Variants in KPRP observed in about 807,000 individuals in gnomAD.
KPRP encodes keratinocyte proline rich protein.
For missense variants in KPRP, 820 were observed against 746.4 expected, an observed-to-expected ratio of 1.10 and a Z score of -1.15; for synonymous variants, 282 against 276.9, an observed-to-expected ratio of 1.02 and a Z score of -0.18.
Position 152,761,312 on chromosome 1 carries a change from AG to A in KPRP, c.1725del (p.Ser576ValfsTer33), listed in dbSNP as rs1651125708. 6.2e-7 allele frequency: 1 copy of A among 1,613,224 alleles called. No individual in the cohort carries two copies. Among genetic ancestry groups the A allele is most frequent in the Non-Finnish European group, 8.5e-7 (1 of 1,179,572 alleles). ...TTTGCTGGAGTGAAAGGGGAAGCAAAGAGTGCTTATTTTTAAAGGAAAGGTG... is the reference window on the plus strand; with the variant it reads ...TTTGCTGGAGTGAAAGGGGAAGCAAAAGTGCTTATTTTTAAAGGAAAGGTG... On this transcript the variant is annotated frameshift_variant, in exon 1 of 1. Coordinates refer to ENST00000606109, the Ensembl canonical transcript of KPRP. LOFTEE classifies it high-confidence loss of function.
exon 1 of KPRP, chr1:152,760,342 A>G (rs1651072556): frequency 1.2e-6 from 2 of 1,614,012 alleles, no homozygotes; most frequent in Non-Finnish European, 1.7e-6. Flanking sequence ...CTCTCGGAGC[A>G]CCAGCAGATG....
chr1:152,760,670 C>T, exon 1 of KPRP: 1 of 1,612,594 alleles, frequency 6.2e-7, no homozygotes, highest in Non-Finnish European at 8.5e-7. Context: ...GGCCCGCAGC[C>T]CTCCTGGGGC....
At chr1:152,760,896 A>G (rs964293709) in exon 1 of KPRP, 1 of 1,614,016 alleles carries the variant, frequency 6.2e-7, no homozygotes, top group African/African-American at 1.3e-5. Context: ...ATCCAGAACC[A>G]CTTCCAGCAC....
At chr1:152,760,198 T>G in exon 1 of KPRP, 1 of 1,614,038 alleles carries the variant, frequency 6.2e-7, no homozygotes, top group Non-Finnish European at 8.5e-7. Context: ...CTGCAACAAC[T>G]ACACCCCCCA....
chr1:152,761,261 A>T lies in KPRP; in HGVS notation c.1673A>T (p.Asp558Val), dbSNP rs1192257632. Reference sequence around the variant, plus strand: ...GTGTTTCCAGAGCGGAGGGGTCAGGATGGCCATGGAGACCAAGGCAATGCC... The same window carrying T: ...GTGTTTCCAGAGCGGAGGGGTCAGGTTGGCCATGGAGACCAAGGCAATGCC... The change falls in exon 1 of 1, where the codon GAT becomes GTT. Residue 558 changes from aspartate to valine, a missense_variant. Asp to Val is a radical substitution (Grantham distance 152). Transcript: ENST00000606109. 6.2e-7 allele frequency: 1 copy of T among 1,614,156 alleles called. No individual in the cohort carries two copies.
Position 152,761,093 on chromosome 1 carries a change from G to A in KPRP, c.1505G>A (p.Trp502Ter). ...ACTTGGCGCAGCCCCAGCCCATGCT[G>A]GGGCCCAAATCCAGTTCCATACCCA... Residue 502 changes from tryptophan (W) to a stop codon, truncating the protein, a stop_gained, in exon 1 of 1, where the codon TGG (tryptophan) becomes TAG (stop). Coordinates refer to ENST00000606109, the Ensembl canonical transcript of KPRP. LOFTEE classifies it low-confidence loss of function (END_TRUNC). The A allele has an allele frequency of 6.2e-7, 1 of 1,614,052 alleles. No individual in the cohort carries two copies. Among genetic ancestry groups the A allele is most frequent in the Non-Finnish European group, 8.5e-7 (1 of 1,180,006 alleles).
rs75836464 is a variant in KPRP, at chr1:152,760,919, C to T, written c.1331C>T (p.Pro444Leu). 1,915 of 1,613,762 alleles carry T rather than the reference C, an allele frequency of 1.2e-3. 23 individuals carry two copies. The African/African-American group carries it at 0.023, about 19-fold the overall frequency. The change falls in exon 1 of 1, where the codon CCG (proline) becomes CTG (leucine). Residue 444 changes from proline to leucine, a missense_variant. Transcript: ENST00000606109. ...CCACTTCCAGCACTACGTCCAACAC[C>T]GCGGCCAGTTCCCCTTCCTCGCCCA...
At chr1:152,761,274 C>A (rs1048103194) in exon 1 of KPRP, 1 of 1,613,934 alleles carries the variant, frequency 6.2e-7, no homozygotes, top group African/African-American at 1.3e-5. Context: ...GCCATGGAGA[C>A]CAAGGCAATG....
chr1:152,761,274 C>T (rs1048103194), exon 1 of KPRP: 3 of 1,614,052 alleles, frequency 1.9e-6, no homozygotes, highest in Non-Finnish European at 1.7e-6. Flanking sequence ...GCCATGGAGA[C>T]CAAGGCAATG....
upstream of KPRP, among the ~76,000 whole-genome samples, chr1:152,758,397 G>C (rs1052641737): frequency 5.9e-5 from 9 of 152,176 alleles, no homozygotes; most frequent in African/African-American, 2.2e-4. Flanking sequence ...ACCTTCCCCA[G>C]GGAAATAGAT....
chr1:152,758,948 A>C (rs1007768433), upstream of KPRP, among the ~76,000 whole-genome samples: 2 of 152,368 alleles, frequency 1.3e-5, no homozygotes, highest in South Asian at 4.1e-4. Flanking sequence ...TGTCATGTTT[A>C]AATGAATTTA....
upstream of KPRP, among the ~76,000 whole-genome samples, chr1:152,759,114 C>T (rs866814567): frequency 6.6e-6 from 1 of 152,192 alleles, no homozygotes; most frequent in African/African-American, 2.4e-5. Context: ...CTCATATGTA[C>T]GTTCTTACAT....
chr1:152,761,016 A>C (rs755580826), exon 1 of KPRP: 1 of 1,612,954 alleles, frequency 6.2e-7, no homozygotes, highest in Non-Finnish European at 8.5e-7. Flanking sequence ...GTCCACGACC[A>C]GAGCCAATTC....
Position 152,759,995 on chromosome 1 carries a change from C to T in KPRP, c.407C>T (p.Ala136Val), listed in dbSNP as rs1651053499. The T allele has an allele frequency of 2.5e-6, 4 of 1,614,200 alleles. No homozygotes were observed. In the South Asian group the frequency reaches 4.4e-5, roughly 18 times the overall value. ...GTTCAGACTTGCTTCGTAGAATGTG[C>T]TCCAGTTTGTTATACAGAAACTTGT... Residue 136 changes from alanine to valine, a missense_variant, in exon 1 of 1, where the codon GCT becomes GTT. Ala to Val is a moderately conservative substitution (Grantham distance 64). Transcript: ENST00000606109.
chr1:152,760,589 G>A (rs757431245), exon 1 of KPRP: 2 of 1,608,658 alleles, frequency 1.2e-6, no homozygotes, highest in East Asian at 4.5e-5. Context: ...TCCCCGTGCT[G>A]CCCCAGGCAG....
chr1:152,758,046 T>G (rs1183173785), upstream of KPRP, among the ~76,000 whole-genome samples: 1 of 152,214 alleles, frequency 6.6e-6, no homozygotes, highest in Non-Finnish European at 1.5e-5. Context: ...AAGGACTGCT[T>G]GCCTGTGAGG....
At chr1:152,760,607 C>G (rs758535285) in exon 1 of KPRP, 2 of 1,609,078 alleles carry the variant, frequency 1.2e-6, no homozygotes, top group South Asian at 2.2e-5. Context: ...CAGGTTCCCC[C>G]ACAGAGGTGT....
At chr1:152,761,032 C>A (rs2101564009) in exon 1 of KPRP, 1 of 1,613,310 alleles carries the variant, frequency 6.2e-7, no homozygotes, top group Admixed American at 1.7e-5. Flanking sequence ...AATTCCCCTG[C>A]CGGCGCCCTG....
At chr1:152,760,200 C>T in exon 1 of KPRP, 2 of 1,614,160 alleles carry the variant, frequency 1.2e-6, no homozygotes, top group South Asian at 2.2e-5. Context: ...GCAACAACTA[C>T]ACCCCCCAGT....
Sources: allele counts gnomAD v4.1 joint callset (sites outside exome capture counted in the v4.1 genomes callset), GRCh38; gene constraint gnomAD v4.1.1; transcripts MANE v1.5; gene names NCBI Gene and HGNC (gene_info 2026-07-23, HGNC 2026-07-21).